Variants in ANTXRL observed in about 807,000 individuals in gnomAD.
The protein encoded by ANTXRL is anthrax toxin receptor-like.
ANTXRL carries 63 observed loss-of-function variants against 75.4 expected under a neutral mutation model. The ratio of observed to expected loss-of-function variants is 0.84; its 90% CI spans 0.68 to 1.03. The LOEUF is 1.03. ANTXRL is among the 50% of genes least tolerant of loss of function. The pLI is 0.00. For synonymous variants in ANTXRL, 335 were observed against 291.3 expected (o/e 1.15, Z -1.53); for missense variants, 797 against 789.4 (o/e 1.01, Z -0.12).
chr10:46,297,594 A>C (rs1416120493), intron 7 of ANTXRL, 120 bp downstream of exon 7: 1 of 1,025,654 alleles, frequency 9.7e-7, no homozygotes, highest in Admixed American at 2.3e-5. Context: ...GGGCCAACTC[A>C]TGGCCACTGC....
chr10:46,307,527 G>T lies in ANTXRL; in HGVS notation c.1044+47G>T, dbSNP rs782451975. 2.7e-6 allele frequency: 4 copies of T among 1,473,520 alleles called. No individual in the cohort carries two copies. In the South Asian group the frequency reaches 4.8e-5, roughly 18 times the overall value. The allele number at this position is 1,473,520 out of a possible 1,614,324, so 91.3% of individuals were successfully genotyped here. A position where few individuals can be genotyped will look rare whatever the true frequency, so the allele number is the denominator to read the frequency against. On this transcript the variant is annotated intron_variant, in intron 12 of 16. Transcript: ENST00000620264. ...CAAACATGTATGAGGACTGTCCAGA[G>T]CCTCTGCACTAGAAGGAGCACAGAA...
intron 9 of ANTXRL, 29 bp downstream of exon 9, chr10:46,298,091 C>T (rs1554959582): frequency 3.4e-6 from 5 of 1,490,450 alleles, no homozygotes; most frequent in East Asian, 4.9e-5. Flanking sequence ...CTGGGGTAGC[C>T]AAAGGGTGGT....
intron 16 of ANTXRL, among the ~76,000 whole-genome samples, chr10:46,328,171 A>AG (rs1339421993): frequency 1.3e-5 from 2 of 152,180 alleles, no homozygotes; most frequent in African/African-American, 4.8e-5. Context: ...AGCAAGGATA[A>AG]GGGGCTTCCT....
intron 3 of ANTXRL, among the ~76,000 whole-genome samples, chr10:46,294,952 A>G (rs868917650): frequency 1.3e-5 from 2 of 151,670 alleles, no homozygotes; most frequent in Non-Finnish European, 1.5e-5. Flanking sequence ...TGTCACATTG[A>G]ATTAGCCTGA....
At chr10:46,319,211 C>G (rs1165059318) in intron 16 of ANTXRL, among the ~76,000 whole-genome samples, 1 of 152,162 alleles carries the variant, frequency 6.6e-6, no homozygotes, top group East Asian at 1.9e-4. Flanking sequence ...TTTTGAGTGG[C>G]CTCTCAATTT....
chr10:46,300,994 C>G (rs377340012), intron 9 of ANTXRL, among the ~76,000 whole-genome samples: 1 of 149,886 alleles, frequency 6.7e-6, no homozygotes, highest in Non-Finnish European at 1.5e-5. Context: ...CCCACCCCCC[C>G]TCTCTCTTCA....
intron 12 of ANTXRL, 108 bp downstream of exon 12, chr10:46,307,588 C>A (rs1202396444): frequency 9.1e-7 from 1 of 1,101,586 alleles, no homozygotes; most frequent in Non-Finnish European, 1.3e-6. Flanking sequence ...CAGAAAGTAG[C>A]GTGTGCAGCA....
At chr10:46,315,078 G>A (rs1554964412) in intron 16 of ANTXRL, among the ~76,000 whole-genome samples, 1 of 152,214 alleles carries the variant, frequency 6.6e-6, no homozygotes, top group Non-Finnish European at 1.5e-5. Context: ...AGCCTTCGGT[G>A]TGCTGGCCCT....
chr10:46,309,838 C>G (rs1379528091), intron 13 of ANTXRL, among the ~76,000 whole-genome samples: 1 of 152,158 alleles, frequency 6.6e-6, no homozygotes, highest in Non-Finnish European at 1.5e-5. Context: ...GTCCACCCCA[C>G]AGGAGTGGGA....
chr10:46,297,071 G>A lies in ANTXRL; in HGVS notation c.509-181G>A, dbSNP rs149322374. On this transcript the variant is annotated intron_variant, in intron 5 of 16. Transcript: ENST00000620264. ...GCTGAGACCTCCCTGACTCTAGGAG[G>A]TCTCTGGGTGGCAGGTGCTTGGGTC... 1.9e-3 allele frequency among the ~76,000 whole-genome samples: 286 copies of A among 152,288 alleles called. 2 individuals carry two copies. Among genetic ancestry groups the A allele is most frequent in the South Asian group, 4.4e-3 (21 of 4,820 alleles).
Position 46,306,836 on chromosome 10 carries a change from T to TG in ANTXRL, c.930dup (p.Asn311GlufsTer17), listed in dbSNP as rs1838121487. 4 of 1,530,296 alleles carry TG rather than the reference T, an allele frequency of 2.6e-6. No individual in the cohort carries two copies. In the Admixed American group the frequency reaches 6.0e-5, roughly 23 times the overall value. The allele number at this position is 1,530,296 out of a possible 1,614,324, so 94.8% of individuals were successfully genotyped here. A position where few individuals can be genotyped will look rare whatever the true frequency, so the allele number is the denominator to read the frequency against. ...CCAACCAGTATCGACAATAATTCCA[T>TG]GAATTGCCCTGGGCCAAAACTAGAA... On this transcript the variant is annotated frameshift_variant, in exon 11 of 17. Coordinates refer to ENST00000620264, the MANE Select transcript of ANTXRL (RefSeq NM_001278688.3). LOFTEE classifies it high-confidence loss of function.
chr10:46,329,630 C>T lies in ANTXRL; in HGVS notation c.1442C>T (p.Ser481Phe). Residue 481 changes from serine to phenylalanine, a missense_variant, in exon 17 of 17, where the codon TCC (serine) becomes TTC (phenylalanine). Around this residue, in one of 3 missense-constraint regions of ANTXRL, gnomAD observed 479 missense variants for 422.0 expected, o/e 1.14. Coordinates refer to ENST00000620264, the MANE Select transcript of ANTXRL (RefSeq NM_001278688.3). ...TACCTCAGCTTAGCCCTTGCACAGT[C>T]CCAATATGCACAGGCTCCCTGCTGC... ...GRYLSLALAQ[S>F]QYAQAPCCPR... 2 of 1,536,474 alleles carry T rather than the reference C, an allele frequency of 1.3e-6. No individual in the cohort carries two copies. Among genetic ancestry groups the T allele is most frequent in the South Asian group, 2.4e-5 (2 of 84,044 alleles).
chr10:46,297,787 C>G (rs1374192975), intron 7 of ANTXRL, 44 bp from the exon 8 acceptor site: 1 of 1,506,298 alleles, frequency 6.6e-7, no homozygotes, highest in East Asian at 2.5e-5. Context: ...CTGCTGCATC[C>G]TCACCTCCTG....
chr10:46,296,594 T>C (rs4542340), intron 5 of ANTXRL, among the ~76,000 whole-genome samples: 61,291 of 151,724 alleles, frequency 0.4, 12,152 homozygotes, highest in Non-Finnish European at 0.48. Context: ...TTGCATGTCT[T>C]CCCTCCGAGT....
intron 5 of ANTXRL, among the ~76,000 whole-genome samples, chr10:46,296,601 G>C (rs551680520): frequency 3.3e-5 from 5 of 152,076 alleles, no homozygotes; most frequent in Non-Finnish European, 7.4e-5. Flanking sequence ...TCTTCCCTCC[G>C]AGTGACTTGC....
chr10:46,290,545 C>T (rs1335411453), intron 1 of ANTXRL, among the ~76,000 whole-genome samples: 5 of 152,258 alleles, frequency 3.3e-5, no homozygotes, highest in African/African-American at 1.2e-4. Context: ...AGCTGTTTCC[C>T]ACAGTGATTG....
chr10:46,291,919 T>G, intron 1 of ANTXRL, 139 bp from the exon 2 acceptor site: 1 of 736,638 alleles, frequency 1.4e-6, no homozygotes, highest in South Asian at 1.7e-5. Context: ...CAGTGGCCAC[T>G]GGGGGTGTAC....
At position 46,306,883 on chromosome 10, in the gene ANTXRL, C is replaced by T. The variant is rs1554962061; in HGVS notation, c.965+11C>T. 2.6e-6 allele frequency: 4 copies of T among 1,523,436 alleles called. No homozygotes were observed. The highest frequency in any genetic ancestry group is 2.8e-5 in the African/African-American group (2 of 72,336). The allele number at this position is 1,523,436 out of a possible 1,614,324, so 94.4% of individuals were successfully genotyped here. A position where few individuals can be genotyped will look rare whatever the true frequency, so the allele number is the denominator to read the frequency against. ...AGAAAAACCTGGAGAGTAAGTGCCC[C>T]TGGCAGGAGGCTAGAGGGCAAGAGA... is the stretch of plus-strand genomic sequence containing the variant. On this transcript the variant is annotated intron_variant, in intron 11 of 16. Coordinates refer to ENST00000620264, the MANE Select transcript of ANTXRL (RefSeq NM_001278688.3).
chr10:46,328,275 C>G (rs1329573609), intron 16 of ANTXRL, among the ~76,000 whole-genome samples: 2 of 152,122 alleles, frequency 1.3e-5, no homozygotes, highest in African/African-American at 4.8e-5. Context: ...CAGAGGACAG[C>G]CTATACAAAT....
Sources: gnomAD v4.1 joint callset for allele counts (sites outside exome capture counted in the v4.1 genomes callset) on GRCh38, gnomAD v4.1.1 for gene constraint, gnomAD v4.1.1 regional missense constraint, MANE v1.5 for transcripts, NCBI Gene and HGNC (gene_info 2026-07-23, HGNC 2026-07-21) for gene names.